Variants in DST observed in about 807,000 individuals in gnomAD.
DST encodes the protein dystonin.
In DST, 253 loss-of-function variants were observed where a neutral mutation model predicts 875.2. The ratio of observed to expected loss-of-function variants is 0.29; its 90% CI spans 0.26 to 0.32. The LOEUF (loss-of-function observed/expected upper bound fraction) is 0.32. Among genes scored for constraint, DST ranks in the 10% least tolerant of loss-of-function variants. The pLI, the probability that DST is intolerant of heterozygous loss-of-function variation, is 1.00. For missense variants in DST, 8,287 were observed against 9,111.6 expected, an observed-to-expected ratio of 0.91 and a Z score of 3.68; for synonymous variants, 3,124 against 3,197.1, an observed-to-expected ratio of 0.98 and a Z score of 0.77.
At chr6:56,701,702 T>C (rs112669977) in intron 8 of DST, among the ~76,000 whole-genome samples, 186 bp downstream of exon 8, 240 of 152,318 alleles carry the variant, frequency 1.6e-3, no homozygotes, top group African/African-American at 5.5e-3. Context: ...GGCTTATCCC[T>C]ACTATTAACT....
At position 56,913,123 on chromosome 6, in the gene DST, T is replaced by G. The variant is rs768706825; in HGVS notation, c.217-12502A>C. 9.8e-5 allele frequency among the ~76,000 whole-genome samples: 15 copies of G among 152,302 alleles called. 1 individual carries two copies. Among genetic ancestry groups the G allele is most frequent in the Admixed American group, 7.2e-4 (11 of 15,298 alleles). On this transcript the variant is annotated intron_variant, in intron 2 of 103. Transcript: ENST00000680361. ...TAGCCAAACAGAATCTGAGTCCCAT[T>G]TATCTAACACTTTTCCAGCATTGTT...
chr6:56,577,965 G>A (rs1323413077), intron 50 of DST, among the ~76,000 whole-genome samples: 1 of 151,922 alleles, frequency 6.6e-6, no homozygotes, highest in Non-Finnish European at 1.5e-5. Context: ...TGGGATTACA[G>A]GTGTCAGCTT....
Position 56,552,756 on chromosome 6 carries a change from A to C in DST, c.16036T>G (p.Ser5346Ala), listed in dbSNP as rs1422525653. ...AQDLVVEASDSKGTSDVLLQV... is the reference protein window; with the variant it reads ...AQDLVVEASDAKGTSDVLLQV... ...AATAAAACATCAGAGGTTCCCTTTG[A>C]GTCTGAGGCCTCTACCACAAGGTCC... The change falls in exon 61 of 104, where the codon TCA becomes GCA. Residue 5346 changes from serine to alanine, a missense_variant. By Grantham distance (99) the Ser-to-Ala change is moderately conservative. Around this residue, in one of 10 missense-constraint regions of DST, gnomAD observed 1,513 missense variants for 1,677.8 expected, o/e 0.90. Transcript: ENST00000680361. The C allele has an allele frequency of 1.2e-6, 2 of 1,610,404 alleles. No individual in the cohort carries two copies. The highest frequency in any genetic ancestry group is 3.3e-5 in the Admixed American group (2 of 60,014).
intron 5 of DST, among the ~76,000 whole-genome samples, chr6:56,706,572 A>T (rs1037205446): frequency 6.6e-6 from 1 of 152,148 alleles, no homozygotes; most frequent in Non-Finnish European, 1.5e-5. Flanking sequence ...CTACTCATGG[A>T]CTGGTTTCAT....
At chr6:56,843,071 G>A (rs370240543) in intron 4 of DST, 2 of 1,550,794 alleles carry the variant, frequency 1.3e-6, no homozygotes, top group African/African-American at 2.7e-5. Flanking sequence ...ACCTCTCCAG[G>A]ACATCCTCGT....
At chr6:56,925,428 C>A (rs189681301) in intron 2 of DST, among the ~76,000 whole-genome samples, 25 of 152,336 alleles carry the variant, frequency 1.6e-4, no homozygotes, top group African/African-American at 5.8e-4. Flanking sequence ...GGAGTTAAAG[C>A]ACACTCTGCC....
intron 10 of DST, among the ~76,000 whole-genome samples, chr6:56,665,954 G>C (rs2099070194): frequency 6.6e-6 from 1 of 152,164 alleles, no homozygotes; most frequent in African/African-American, 2.4e-5. Flanking sequence ...TGGCCAACAT[G>C]ATACATGTAT....
chr6:56,948,229 C>G (rs1479999809), intron 2 of DST, among the ~76,000 whole-genome samples: 1 of 151,424 alleles, frequency 6.6e-6, no homozygotes, highest in Non-Finnish European at 1.5e-5. Context: ...ATTTTTTTTT[C>G]CTTTCCTTAC....
chr6:56,915,330 C>G (rs569072320), intron 2 of DST, among the ~76,000 whole-genome samples: 1 of 152,176 alleles, frequency 6.6e-6, no homozygotes, highest in Non-Finnish European at 1.5e-5. Flanking sequence ...AACTTCCCAA[C>G]TGCAAATTCT....
intron 102 of DST, 111 bp downstream of exon 102, chr6:56,462,935 G>T (rs1581996788): frequency 1.7e-6 from 1 of 582,166 alleles, no homozygotes; most frequent in East Asian, 2.8e-5. Flanking sequence ...TGTATAAAAA[G>T]ACATAGGGTT....
intron 61 of DST, among the ~76,000 whole-genome samples, chr6:56,548,601 A>G (rs2097267618): frequency 6.6e-6 from 1 of 152,230 alleles, no homozygotes; most frequent in African/African-American, 2.4e-5. Context: ...AGATAGGAGT[A>G]GGGATAGAGG....
At chr6:56,934,562 A>C (rs773590863) in intron 2 of DST, among the ~76,000 whole-genome samples, 2 of 31,438 alleles carry the variant, frequency 6.4e-5, no homozygotes, top group South Asian at 1.1e-3. Context: ...ATATTATATT[A>C]TATATATATA....
At chr6:56,665,229 C>T (rs1427172232) in intron 10 of DST, among the ~76,000 whole-genome samples, 2 of 152,132 alleles carry the variant, frequency 1.3e-5, no homozygotes, top group African/African-American at 4.8e-5. Flanking sequence ...CCAAGTTAAA[C>T]TCTAAGGCTA....
chr6:56,667,940 TA>T (rs2099080321), intron 10 of DST, among the ~76,000 whole-genome samples: 1 of 152,032 alleles, frequency 6.6e-6, no homozygotes, highest in South Asian at 2.1e-4. Context: ...TAATCTATTT[TA>T]TTTTTTTAGA....
At chr6:56,662,991 C>T (rs1040534279) in intron 10 of DST, among the ~76,000 whole-genome samples, 1 of 152,036 alleles carries the variant, frequency 6.6e-6, no homozygotes, top group African/African-American at 2.4e-5. Context: ...AGAAACAAAA[C>T]AAAACACACA....
intron 98 of DST, among the ~76,000 whole-genome samples, chr6:56,468,597 T>C (rs749361409): frequency 2.0e-5 from 3 of 152,166 alleles, no homozygotes; most frequent in Non-Finnish European, 4.4e-5. Flanking sequence ...GTAGACCGTA[T>C]GTCCTAAACA....
At chr6:56,471,840 T>G in intron 94 of DST, 1 of 578,876 alleles carries the variant, frequency 1.7e-6, no homozygotes, top group Non-Finnish European at 3.1e-6. Context: ...TCATTTTTTT[T>G]ACTTCATTGA....
chr6:56,529,702 C>T lies in DST; in HGVS notation c.17341G>A (p.Val5781Ile), dbSNP rs1394841364. ...TCTTTATCCTCCCTGGAGCTCAAAA[C>T]CTTTAAGGACTGGCCAATGCTAACA... is the stretch of plus-strand genomic sequence containing the variant. ...QAVSIGQSLKVLSSREDKDMV... is the reference protein window; with the variant it reads ...QAVSIGQSLKILSSREDKDMV... The change falls in exon 66 of 104, where the codon GTT becomes ATT. Residue 5781 changes from valine to isoleucine, a missense_variant. Coordinates refer to ENST00000680361, the MANE Select transcript of DST (RefSeq NM_001374736.1). 1 of 1,613,258 alleles carries T rather than the reference C, an allele frequency of 6.2e-7. No individual in the cohort carries two copies. The highest frequency in any genetic ancestry group is 1.1e-5 in the South Asian group (1 of 90,968).
chr6:56,610,543 T>A lies in DST; in HGVS notation c.5167A>T (p.Asn1723Tyr). The change falls in exon 39 of 104, where the codon AAT (asparagine) becomes TAT (tyrosine). Residue 1723 changes from asparagine to tyrosine, a missense_variant. Coordinates refer to ENST00000680361, the MANE Select transcript of DST (RefSeq NM_001374736.1). ...HGDKMTDEER[N>Y]ELEKQVKTLQ... Reference sequence around the variant, plus strand: ...GTTTTCACTTGTTTTTCCAATTCATTTCTTTCTTCATCTGTCATTCTAAAT... The same window carrying A: ...GTTTTCACTTGTTTTTCCAATTCATATCTTTCTTCATCTGTCATTCTAAAT... 2 of 1,574,868 alleles carry A rather than the reference T, an allele frequency of 1.3e-6. No individual in the cohort carries two copies. The highest frequency in any genetic ancestry group is 2.4e-5 in the South Asian group (2 of 83,676).
Sources: allele counts gnomAD v4.1 joint callset (sites outside exome capture counted in the v4.1 genomes callset), GRCh38; gene constraint gnomAD v4.1.1; regional missense constraint gnomAD v4.1.1; transcripts MANE v1.5; gene names NCBI Gene and HGNC (gene_info 2026-07-23, HGNC 2026-07-21).